PTPN3: variants seen among roughly 807,000 people sequenced by gnomAD.
PTPN3 encodes the protein protein tyrosine phosphatase non-receptor type 3.
A neutral mutation model predicts 132.7 loss-of-function variants in PTPN3; 96 were observed. The ratio of observed to expected loss-of-function variants is 0.72; its 90% CI spans 0.61 to 0.86. PTPN3 has a LOEUF of 0.86. Among genes scored for constraint, PTPN3 ranks in the 40% least tolerant of loss-of-function variants. The pLI is 0.00. For synonymous variants in PTPN3, 398 were observed against 429.0 expected, an observed-to-expected ratio of 0.93 and a Z score of 0.89; for missense variants, 1,125 against 1,159.6, an observed-to-expected ratio of 0.97 and a Z score of 0.43.
chr9:109,439,586 C>T (rs539911600), intron 7 of PTPN3, among the ~76,000 whole-genome samples: 5 of 152,164 alleles, frequency 3.3e-5, no homozygotes, highest in Admixed American at 6.5e-5. Flanking sequence ...AGACAGGTAG[C>T]TGCTTGGGTG....
intron 7 of PTPN3, among the ~76,000 whole-genome samples, chr9:109,444,079 G>T (rs2131968451): frequency 6.6e-6 from 1 of 152,272 alleles, no homozygotes; most frequent in African/African-American, 2.4e-5. Flanking sequence ...AGGGTGTGTA[G>T]TTCAGCCAGT....
In PTPN3 at chr9:109,406,828, A is replaced by C. The variant is rs555573822; in HGVS notation, c.1636-210T>G. Among the ~76,000 whole-genome samples, 7 of 152,362 alleles carry C rather than the reference A, an allele frequency of 4.6e-5. No individual in the cohort carries two copies. In the East Asian group the frequency reaches 1.3e-3, roughly 29 times the overall value. On this transcript the variant is annotated intron_variant, in intron 17 of 25. Transcript: ENST00000374541. Reference sequence around the variant, plus strand: ...GATATAAAGAAGTACTGCTCAGAATATAAGTTATGAAACATTTCAGAATAA... The same window carrying C: ...GATATAAAGAAGTACTGCTCAGAATCTAAGTTATGAAACATTTCAGAATAA...
chr9:109,478,389 A>G (rs1384313198), intron 1 of PTPN3, among the ~76,000 whole-genome samples: 1 of 152,144 alleles, frequency 6.6e-6, no homozygotes, highest in Non-Finnish European at 1.5e-5. Context: ...TTATGACTCT[A>G]CGATATTCCA....
chr9:109,406,992 T>C (rs2131735667), intron 17 of PTPN3, among the ~76,000 whole-genome samples: 1 of 152,356 alleles, frequency 6.6e-6, no homozygotes, highest in Non-Finnish European at 1.5e-5. Context: ...AGTATTTATC[T>C]GTCTTGCAAA....
At chr9:109,412,713 C>T (rs1354351058) in intron 14 of PTPN3, among the ~76,000 whole-genome samples, 1 of 151,800 alleles carries the variant, frequency 6.6e-6, no homozygotes, top group Non-Finnish European at 1.5e-5. Context: ...CACTATGCTG[C>T]CTAGGCTGGT....
chr9:109,451,086 T>C (rs1211031182), intron 5 of PTPN3: 19 of 972,248 alleles, frequency 2.0e-5, no homozygotes, highest in Non-Finnish European at 2.0e-5. Context: ...GGTAGAAGCC[T>C]GGTCCAAGAT....
chr9:109,461,996 T>C lies in PTPN3; in HGVS notation c.138+1301A>G, dbSNP rs1415304221. On this transcript the variant is annotated intron_variant, in intron 2 of 25. Coordinates refer to ENST00000374541, the MANE Select transcript of PTPN3 (RefSeq NM_002829.4). ...CTTTGGAGACACCTAACTAGACAAC[T>C]GAATTTCCTTGCTGGAGTTTTCACT... is the stretch of plus-strand genomic sequence containing the variant. 2.0e-5 allele frequency among the ~76,000 whole-genome samples: 3 copies of C among 152,214 alleles called. No homozygotes were observed. The East Asian group carries it at 5.8e-4, about 29-fold the overall frequency.
At chr9:109,470,001 A>G (rs556118403) in intron 1 of PTPN3, among the ~76,000 whole-genome samples, 1 of 151,260 alleles carries the variant, frequency 6.6e-6, no homozygotes, top group Non-Finnish European at 1.5e-5. Flanking sequence ...CCTTTTCCCA[A>G]TTCTTCCCTA....
intron 17 of PTPN3, among the ~76,000 whole-genome samples, chr9:109,407,650 T>C (rs1352436561): frequency 6.6e-6 from 1 of 152,156 alleles, no homozygotes; most frequent in African/African-American, 2.4e-5. Flanking sequence ...GTTCAAGGAA[T>C]TCTCCTGCCT....
intron 12 of PTPN3, among the ~76,000 whole-genome samples, chr9:109,424,968 A>C (rs1344489464): frequency 6.6e-6 from 1 of 152,224 alleles, no homozygotes. Context: ...GCAGGATTTG[A>C]ACCCAGGCAG....
intron 4 of PTPN3, among the ~76,000 whole-genome samples, chr9:109,455,666 T>A (rs1588457588): frequency 6.6e-6 from 1 of 152,176 alleles, no homozygotes; most frequent in African/African-American, 2.4e-5. Flanking sequence ...CTTGTTCACC[T>A]CCCCTCCCCC....
the PTPN3 span, among the ~76,000 whole-genome samples, chr9:109,536,616 G>A: frequency 3.4e-3 from 513 of 152,294 alleles, no homozygotes; most frequent in Admixed American, 5.7e-3. Flanking sequence ...TTGTGGGATT[G>A]GATGGGTTAC....
chr9:109,385,408 G>A (rs1338005751), intron 22 of PTPN3, among the ~76,000 whole-genome samples: 2 of 152,284 alleles, frequency 1.3e-5, no homozygotes, highest in Non-Finnish European at 2.9e-5. Flanking sequence ...TCTTCAGAAC[G>A]GTAGATGCTA....
chr9:109,420,115 A>G (rs564614519), intron 14 of PTPN3, among the ~76,000 whole-genome samples: 3 of 152,304 alleles, frequency 2.0e-5, no homozygotes, highest in Admixed American at 6.5e-5. Context: ...CAGAACAGGG[A>G]ATGATTAAAC....
intron 16 of PTPN3, among the ~76,000 whole-genome samples, chr9:109,408,796 A>AATATATATATATATAT (rs1219154297): frequency 2.8e-5 from 3 of 108,372 alleles, no homozygotes; most frequent in Admixed American, 1.0e-4. Context: ...AAAAAAAAAA[A>AATATATATATATATAT]ATATATATAT....
chr9:109,437,353 G>T (rs896746834), intron 8 of PTPN3, among the ~76,000 whole-genome samples: 9 of 152,160 alleles, frequency 5.9e-5, no homozygotes, highest in African/African-American at 2.2e-4. Context: ...AAACGCCACT[G>T]GCCCCGTACT....
chr9:109,508,253 C>T, the PTPN3 span, among the ~76,000 whole-genome samples: 5 of 151,978 alleles, frequency 3.3e-5, no homozygotes, highest in East Asian at 9.7e-4. Context: ...CTCTGCCTCC[C>T]GGGTTCATGC....
intron 1 of PTPN3, among the ~76,000 whole-genome samples, chr9:109,471,256 C>A (rs192568450): frequency 6.6e-6 from 1 of 152,268 alleles, no homozygotes; most frequent in East Asian, 1.9e-4. Context: ...AGTGTTTCAC[C>A]ATGTTGGCCT....
At chr9:109,391,089 G>A in intron 21 of PTPN3, 49 bp downstream of exon 21, 1 of 1,540,384 alleles carries the variant, frequency 6.5e-7, no homozygotes, top group Non-Finnish European at 9.0e-7. Flanking sequence ...CATCATCGTT[G>A]CGACAGTGGT....
Sources: gnomAD v4.1 joint callset for allele counts (sites outside exome capture counted in the v4.1 genomes callset) on GRCh38, gnomAD v4.1.1 for gene constraint, MANE v1.5 for transcripts, NCBI Gene and HGNC (gene_info 2026-07-23, HGNC 2026-07-21) for gene names.